The following SQLE variants were observed in gnomAD, a reference collection of about 807,000 sequenced individuals.
The protein encoded by SQLE is squalene monooxygenase.
SQLE carries 29 observed loss-of-function variants against 60.7 expected under a neutral mutation model. That is an observed-to-expected ratio of 0.48 (90% CI 0.36 to 0.65). The LOEUF (loss-of-function observed/expected upper bound fraction) is 0.65, where lower values mean the gene tolerates loss of function less well. SQLE is among the 30% of genes least tolerant of loss of function. The pLI is 0.00. For missense variants in SQLE, 605 were observed against 684.1 expected (o/e 0.88, Z 1.29); for synonymous variants, 237 against 246.8 (o/e 0.96, Z 0.37).
intron 1 of SQLE, among the ~76,000 whole-genome samples, chr8:125,000,681 T>C (rs1373002138): frequency 6.6e-6 from 1 of 152,064 alleles, no homozygotes; most frequent in Non-Finnish European, 1.5e-5. Flanking sequence ...CTCGAACTCC[T>C]GACCTTAAGT....
Position 125,020,793 on chromosome 8 carries a change from A to G in SQLE, c.1454A>G (p.His485Arg), listed in dbSNP as rs781393163. The G allele has an allele frequency of 1.9e-6, 3 of 1,610,626 alleles. No homozygotes were observed. The highest frequency in any genetic ancestry group is 2.2e-5 in the East Asian group (1 of 44,838). ...ELFSATDDSL[H>R]QLRKACFLYF... ...TACAATTTTATTTTAGATTCCCTGC[A>G]TCAACTAAGAAAAGCCTGTTTTCTT... is the stretch of plus-strand genomic sequence containing the variant. Residue 485 changes from histidine (H) to arginine (R), a missense_variant, in exon 10 of 11, where the codon CAT becomes CGT. By Grantham distance (29) the His-to-Arg change is conservative. Transcript: ENST00000265896.
At chr8:125,002,124 T>C (rs956992292) in intron 1 of SQLE, among the ~76,000 whole-genome samples, 1 of 152,122 alleles carries the variant, frequency 6.6e-6, no homozygotes, top group Non-Finnish European at 1.5e-5. Context: ...TTGACTAGGA[T>C]CTCTTAGAGT....
intron 6 of SQLE, chr8:125,011,199 A>G (rs1815035656): frequency 5.8e-6 from 1 of 171,420 alleles, no homozygotes; most frequent in Non-Finnish European, 1.2e-5. Flanking sequence ...TAAATATTAA[A>G]TATGACAGTA....
In SQLE at chr8:125,008,914, C is replaced by CT. The variant is rs963670862; in HGVS notation, c.823-50dup. The stretch of plus-strand genomic sequence containing the variant: ...CTTCACGCACATTTTTTAAGAATGG[C>CT]TTTTTTTACTGTGTGTTTCTGACTA... On this transcript the variant is annotated intron_variant, in intron 4 of 10. Coordinates refer to ENST00000265896, the MANE Select transcript of SQLE (RefSeq NM_003129.4). 6.3e-5 allele frequency: 80 copies of CT among 1,267,406 alleles called. No homozygotes were observed. In the African/African-American group the frequency reaches 1.0e-3, roughly 17 times the overall value. The allele number at this position is 1,267,406 out of a possible 1,614,324, so 78.5% of individuals were successfully genotyped here.
At chr8:125,003,723 C>T (rs187577882) in intron 2 of SQLE, among the ~76,000 whole-genome samples, 27 of 152,056 alleles carry the variant, frequency 1.8e-4, no homozygotes, top group African/African-American at 5.3e-4. Flanking sequence ...TTGTGAAAGG[C>T]GAAGGGAACT....
At chr8:125,010,560 A>C (rs1286097128) in intron 6 of SQLE, among the ~76,000 whole-genome samples, 1 of 152,136 alleles carries the variant, frequency 6.6e-6, no homozygotes, top group Non-Finnish European at 1.5e-5. Flanking sequence ...GTAACAAATT[A>C]TTAACAGAAA....
At chr8:125,006,995 G>T (rs1814962881) in intron 3 of SQLE, among the ~76,000 whole-genome samples, 2 of 152,094 alleles carry the variant, frequency 1.3e-5, no homozygotes, top group Non-Finnish European at 2.9e-5. Flanking sequence ...GAGCCACCGT[G>T]CCCTGCCAGA....
Position 125,016,736 on chromosome 8 carries a change from AC to A in SQLE, c.1205-1320del, listed in dbSNP as rs1815116739. On this transcript the variant is annotated intron_variant, in intron 7 of 10. Transcript: ENST00000265896. The surrounding 1 kb of genome is among the most constrained non-coding windows in gnomAD (Gnocchi z 4.1). ...GTCTTCGGAGTCTGGGCTTGTTTGT[AC>A]CCATCTTTCTTGGGAACGCTTTTGA... is the stretch of plus-strand genomic sequence containing the variant. 1.3e-5 allele frequency among the ~76,000 whole-genome samples: 2 copies of A among 151,892 alleles called. No individual in the cohort carries two copies. The highest frequency in any genetic ancestry group is 2.9e-5 in the Non-Finnish European group (2 of 67,994).
At chr8:125,005,858 T>TA (rs1041657103) in intron 3 of SQLE, among the ~76,000 whole-genome samples, 153 bp downstream of exon 3, 1 of 152,250 alleles carries the variant, frequency 6.6e-6, no homozygotes, top group African/African-American at 2.4e-5. Context: ...AAAAGAGTGT[T>TA]AGATATTCAG....
chr8:124,999,805 A>T, intron 1 of SQLE, 111 bp downstream of exon 1: 11 of 1,258,292 alleles, frequency 8.7e-6, no homozygotes, highest in Non-Finnish European at 1.2e-5. Context: ...AGATGCTTGT[A>T]TACATTCTCA....
At chr8:125,007,004 G>A (rs1410460628) in intron 3 of SQLE, among the ~76,000 whole-genome samples, 1 of 152,090 alleles carries the variant, frequency 6.6e-6, no homozygotes, top group Non-Finnish European at 1.5e-5. Context: ...TGCCCTGCCA[G>A]AAATAATTAC....
chr8:125,008,414 T>G (rs1814990411), intron 4 of SQLE, among the ~76,000 whole-genome samples: 1 of 151,916 alleles, frequency 6.6e-6, no homozygotes, highest in African/African-American at 2.4e-5. Flanking sequence ...TAAAAAAAAA[T>G]TATCGTAGTA....
intron 1 of SQLE, chr8:124,999,938 A>G (rs915689917): frequency 1.5e-6 from 1 of 674,818 alleles, no homozygotes; most frequent in African/African-American, 1.8e-5. Flanking sequence ...ATATTTGATT[A>G]TGAAAGATGG....
intron 7 of SQLE, among the ~76,000 whole-genome samples, chr8:125,013,696 C>G (rs1401529650): frequency 6.6e-6 from 1 of 152,098 alleles, no homozygotes; most frequent in Non-Finnish European, 1.5e-5. Context: ...AGTTTTACCT[C>G]TTAAATTTAG....
Position 125,018,093 on chromosome 8 carries a change from G to A in SQLE, c.1239G>A (p.Arg413=), listed in dbSNP as rs772030161. The A allele has an allele frequency of 2.5e-6, 4 of 1,613,748 alleles. No homozygotes were observed. The Admixed American group carries it at 6.7e-5, about 27-fold the overall frequency. ...VLLLGDAYNM[R]HPLTGGGMTV... is the part of the protein sequence containing the mutation. ...TTTTGGGAGACGCATATAATATGAG[G>A]CATCCACTTACTGGTGGAGGAATGA... The change falls in exon 8 of 11, where the codon AGG becomes AGA. Residue 413 remains arginine, a synonymous_variant. Transcript: ENST00000265896.
intron 5 of SQLE, 42 bp downstream of exon 5, chr8:125,009,126 T>G: frequency 6.4e-7 from 1 of 1,568,108 alleles, no homozygotes; most frequent in South Asian, 1.2e-5. Context: ...TAAAAGAAAC[T>G]TGAAATTTGA....
intron 1 of SQLE, 113 bp from the exon 2 acceptor site, chr8:125,003,063 T>C: frequency 1.1e-6 from 1 of 911,080 alleles, no homozygotes; most frequent in South Asian, 2.5e-5. Context: ...TTTGATAATA[T>C]TTAGTATCTA....
In SQLE at chr8:125,009,069, T is replaced by A. The variant is rs1039820553; in HGVS notation, c.921T>A (p.Val307=). 3 of 1,595,988 alleles carry A rather than the reference T, an allele frequency of 1.9e-6. No homozygotes were observed. Among genetic ancestry groups the A allele is most frequent in the African/African-American group, 2.7e-5 (2 of 73,806 alleles). ...AAGTTTCTGTATCATCTCATTTTGT[T>A]GGCTTTCTTATGAAGGTACTGTAGG... The part of the protein sequence containing the change: ...SNKVSVSSHF[V]GFLMKNAPQF... Residue 307 remains valine, a synonymous_variant, in exon 5 of 11, where the codon GTT becomes GTA. Transcript: ENST00000265896.
chr8:125,004,656 C>T (rs1173297040), intron 2 of SQLE, among the ~76,000 whole-genome samples: 3 of 151,816 alleles, frequency 2.0e-5, no homozygotes, highest in African/African-American at 7.3e-5. Flanking sequence ...TTGTCCATTA[C>T]TATTGGCGTC....
Sources: gnomAD v4.1 joint callset for allele counts (sites outside exome capture counted in the v4.1 genomes callset) on GRCh38, gnomAD v4.1.1 for gene constraint, Gnocchi (gnomAD v3.1) non-coding constraint, MANE v1.5 for transcripts, NCBI Gene and HGNC (gene_info 2026-07-23, HGNC 2026-07-21) for gene names.